CFAP20DC: variants seen among roughly 807,000 people sequenced by gnomAD.
The protein encoded by CFAP20DC is protein CFAP20DC.
CFAP20DC carries 84 observed loss-of-function variants against 101.7 expected under a neutral mutation model. That is an observed-to-expected ratio of 0.83 (90% CI 0.69 to 0.99). The LOEUF (loss-of-function observed/expected upper bound fraction) is 0.99, where lower values mean the gene tolerates loss of function less well. Among genes scored for constraint, CFAP20DC ranks in the 50% least tolerant of loss-of-function variants. The pLI is 0.00. For missense variants in CFAP20DC, 1,007 were observed against 970.3 expected, an observed-to-expected ratio of 1.04 and a Z score of -0.50; for synonymous variants, 359 against 351.2, an observed-to-expected ratio of 1.02 and a Z score of -0.25.
At chr3:58,898,063 G>A (rs116590408) in intron 6 of CFAP20DC, among the ~76,000 whole-genome samples, 2,694 of 152,070 alleles carry the variant, frequency 0.018, 93 homozygotes, top group African/African-American at 0.061. Flanking sequence ...ATTTCTTGGA[G>A]GTTTTGTTCA....
chr3:58,851,945 C>G (rs1482007654), intron 12 of CFAP20DC, among the ~76,000 whole-genome samples: 1 of 152,164 alleles, frequency 6.6e-6, no homozygotes, highest in East Asian at 1.9e-4. Context: ...GGGTGTTTTT[C>G]AGCGAAAGCT....
At chr3:58,953,698 A>G (rs550330016) in intron 4 of CFAP20DC, 1 of 152,312 alleles carries the variant, frequency 6.6e-6, no homozygotes, top group African/African-American at 2.4e-5. Context: ...GTGACTACTT[A>G]AAAGCTTCAT....
chr3:59,025,409 A>G (rs1040071227), intron 4 of CFAP20DC, among the ~76,000 whole-genome samples: 3 of 152,144 alleles, frequency 2.0e-5, no homozygotes, highest in Non-Finnish European at 4.4e-5. Flanking sequence ...TCACAAGGAA[A>G]GCAGACATGC....
In CFAP20DC at chr3:58,891,422, GGGGAGAGGGAGAGGGAGA is replaced by G. The variant is rs200945396; in HGVS notation, c.551-6731_551-6714del. ...GACCGTGGAAAGAGAGGGAGACCGT[GGGGAGAGGGAGAGGGAGA>G]GGGAGAGGGAGAGGGAGAGGGAGAG... On this transcript the variant is annotated intron_variant, in intron 6 of 16. Transcript: ENST00000482387. 2.9e-3 allele frequency among the ~76,000 whole-genome samples: 386 copies of G among 132,490 alleles called. 3 individuals carry two copies. The highest frequency in any genetic ancestry group is 7.6e-3 in the Middle Eastern group (2 of 262). 86.9% of individuals were successfully genotyped at this position (132,490 alleles called of 152,430 possible).
intron 16 of CFAP20DC, among the ~76,000 whole-genome samples, chr3:58,753,294 T>C (rs2068700339): frequency 6.6e-6 from 1 of 152,204 alleles, no homozygotes; most frequent in Non-Finnish European, 1.5e-5. Context: ...TGTTGAAATA[T>C]CGTGTCTGCT....
intron 7 of CFAP20DC, 65 bp from the exon 8 acceptor site, chr3:58,870,374 A>G (rs1450160579): frequency 6.5e-7 from 1 of 1,527,156 alleles, no homozygotes. Flanking sequence ...TCACACTGCA[A>G]TCTTTCTAAA....
At chr3:58,800,228 C>T (rs113351964) in intron 15 of CFAP20DC, among the ~76,000 whole-genome samples, 3,969 of 152,244 alleles carry the variant, frequency 0.026, 176 homozygotes, top group African/African-American at 0.089. Flanking sequence ...ACTACAGAGG[C>T]CAGAGAAGCA....
intron 5 of CFAP20DC, among the ~76,000 whole-genome samples, chr3:58,934,005 CA>C (rs1418796178): frequency 3.3e-5 from 5 of 151,852 alleles, no homozygotes; most frequent in African/African-American, 4.8e-5. Context: ...AAAGGATCAA[CA>C]AAATTGATAG....
intron 4 of CFAP20DC, among the ~76,000 whole-genome samples, chr3:58,996,468 T>C (rs1195979568): frequency 6.6e-6 from 1 of 152,244 alleles, no homozygotes; most frequent in African/African-American, 2.4e-5. Flanking sequence ...TACAAATAGA[T>C]GTATAATGTA....
chr3:58,755,789 T>C (rs1462149946), intron 15 of CFAP20DC, among the ~76,000 whole-genome samples: 1 of 152,198 alleles, frequency 6.6e-6, no homozygotes, highest in East Asian at 1.9e-4. Flanking sequence ...ATTTGCTCTC[T>C]ATCTCTTAAT....
Position 58,870,164 on chromosome 3 carries a change from T to G in CFAP20DC, c.852+9A>C. On this transcript the variant is annotated intron_variant, in intron 8 of 16. Coordinates refer to ENST00000482387, the MANE Select transcript of CFAP20DC (RefSeq NM_001394063.1). ...GTGCTTAGATAAGCTCTCCAAACCTTGCTCCTACCTCGCTGGATATCTTCA... is the reference window on the plus strand; with the variant it reads ...GTGCTTAGATAAGCTCTCCAAACCTGGCTCCTACCTCGCTGGATATCTTCA... 6.2e-7 allele frequency: 1 copy of G among 1,609,054 alleles called. No homozygotes were observed. The highest frequency in any genetic ancestry group is 8.5e-7 in the Non-Finnish European group (1 of 1,177,796).
rs2079444381 is a variant in CFAP20DC at position 58,863,757 on chromosome 3, T to C, written c.1394A>G (p.Gln465Arg). 9 of 1,614,218 alleles carry C rather than the reference T, an allele frequency of 5.6e-6. No individual in the cohort carries two copies. The highest frequency in any genetic ancestry group is 1.3e-5 in the African/African-American group (1 of 75,064). The change falls in exon 12 of 17, where the codon CAG becomes CGG. Residue 465 changes from glutamine (Q) to arginine (R), a missense_variant. By Grantham distance (43) the Gln-to-Arg change is conservative (BLOSUM62 1). Coordinates refer to ENST00000482387, the MANE Select transcript of CFAP20DC (RefSeq NM_001394063.1). The surrounding 1 kb of genome is among the most constrained non-coding windows in gnomAD (Gnocchi z 5.9). ...AACACTCTGGGATTCCTCTGCCTGCTGGTCGTGTTCACTCTCTTTGCTGGC... is the reference window on the plus strand; with the variant it reads ...AACACTCTGGGATTCCTCTGCCTGCCGGTCGTGTTCACTCTCTTTGCTGGC... ...LEASKESEHDQQAEESQSVPK... is the reference protein window; with the variant it reads ...LEASKESEHDRQAEESQSVPK...
downstream of CFAP20DC, chr3:58,737,038 G>A (rs1006645808): frequency 6.0e-6 from 2 of 334,850 alleles, no homozygotes; most frequent in Non-Finnish European, 1.2e-5. The surrounding 1 kb of genome is among the most constrained non-coding windows in gnomAD (Gnocchi z 4.1). Context: ...TTTATCCTTT[G>A]TTATAAGTTA....
At chr3:58,880,582 G>A (rs1022988153) in intron 7 of CFAP20DC, among the ~76,000 whole-genome samples, 6 of 151,934 alleles carry the variant, frequency 3.9e-5, no homozygotes, top group African/African-American at 1.4e-4. Context: ...CTGATTAAAT[G>A]AATTTAATAT....
chr3:58,933,290 C>T (rs376119933), intron 5 of CFAP20DC, among the ~76,000 whole-genome samples: 3,041 of 151,832 alleles, frequency 0.02, 56 homozygotes, highest in Middle Eastern at 0.031. Context: ...GAGTGACCTA[C>T]AAAGAGACTT....
At position 58,971,446 on chromosome 3, in the gene CFAP20DC, TC is replaced by T. The variant is rs2091943208; in HGVS notation, c.279-33685del. Among the ~76,000 whole-genome samples the T allele has an allele frequency of 6.6e-6, 1 of 152,168 alleles. No individual in the cohort carries two copies. Among genetic ancestry groups the T allele is most frequent in the African/African-American group, 2.4e-5 (1 of 41,448 alleles). ...TTCACTCTTTAGATCTTTCTATCCT[TC>T]CTCACCTATGCTCTCCAGAATGTAT... On this transcript the variant is annotated intron_variant, in intron 4 of 16. Coordinates refer to ENST00000482387, the MANE Select transcript of CFAP20DC (RefSeq NM_001394063.1). The surrounding 1 kb of genome is among the most constrained non-coding windows in gnomAD (Gnocchi z 4.1).
intron 15 of CFAP20DC, among the ~76,000 whole-genome samples, chr3:58,769,364 A>G (rs571006906): frequency 1.3e-5 from 2 of 152,290 alleles, no homozygotes; most frequent in East Asian, 1.9e-4. Context: ...GAAAGATTCC[A>G]TGGTTACTAC....
chr3:58,975,274 T>C (rs1026137319), intron 4 of CFAP20DC, among the ~76,000 whole-genome samples: 3 of 152,220 alleles, frequency 2.0e-5, no homozygotes, highest in African/African-American at 7.2e-5. Flanking sequence ...CCAGTTTTTT[T>C]CAGAGTACTT....
At chr3:58,994,181 T>C (rs906503071) in intron 4 of CFAP20DC, among the ~76,000 whole-genome samples, 7 of 152,206 alleles carry the variant, frequency 4.6e-5, no homozygotes, top group African/African-American at 1.7e-4. Flanking sequence ...GAAACATACA[T>C]GCACACAAAC....
Sources: gnomAD v4.1 joint callset for allele counts (sites outside exome capture counted in the v4.1 genomes callset) on GRCh38, gnomAD v4.1.1 for gene constraint, Gnocchi (gnomAD v3.1) non-coding constraint, MANE v1.5 for transcripts, NCBI Gene and HGNC (gene_info 2026-07-23, HGNC 2026-07-21) for gene names.